IL6R: variants seen among roughly 807,000 people sequenced by gnomAD.
IL6R encodes the protein interleukin 6 receptor, also known as interleukin-6 receptor subunit alpha.
In IL6R, 38 loss-of-function variants were observed where a neutral mutation model predicts 48.3. The observed-to-expected ratio is 0.79, with a 90% CI of 0.61 to 1.03. The LOEUF (loss-of-function observed/expected upper bound fraction) is 1.03. IL6R is among the 50% of genes least tolerant of loss of function. The pLI, the probability that IL6R is intolerant of heterozygous loss-of-function variation, is 0.00. For synonymous variants in IL6R, 264 were observed against 256.2 expected, an observed-to-expected ratio of 1.03 and a Z score of -0.29; for missense variants, 534 against 618.3, an observed-to-expected ratio of 0.86 and a Z score of 1.45.
chr1:154,416,706 G>A (rs559985981), intron 1 of IL6R, among the ~76,000 whole-genome samples: 2 of 152,198 alleles, frequency 1.3e-5, no homozygotes, highest in South Asian at 2.1e-4. Context: ...GAGCGGAGGG[G>A]GTGGGGATGG....
At chr1:154,419,064 G>A (rs1364734904) in intron 1 of IL6R, among the ~76,000 whole-genome samples, 1 of 152,142 alleles carries the variant, frequency 6.6e-6, no homozygotes, top group Admixed American at 6.5e-5. Flanking sequence ...GGGCCAAGTA[G>A]AGAGAGGCTT....
chr1:154,437,534 C>A, intron 6 of IL6R: 1 of 433,842 alleles, frequency 2.3e-6, no homozygotes, highest in Admixed American at 2.6e-5. Flanking sequence ...CCGCCTCAGC[C>A]TCCTAAGTAG....
intron 6 of IL6R, among the ~76,000 whole-genome samples, chr1:154,444,208 C>CTTTT (rs562457712): frequency 2.2e-5 from 3 of 138,220 alleles, no homozygotes; most frequent in Non-Finnish European, 4.7e-5. Flanking sequence ...AAGTTGCTAG[C>CTTTT]TTTTTTTTTT....
chr1:154,454,455 C>T (rs1459494396), intron 8 of IL6R, 33 bp from the exon 9 acceptor site: 1 of 1,357,844 alleles, frequency 7.4e-7, no homozygotes, highest in Non-Finnish European at 1.0e-6. Flanking sequence ...TTCTCCTCTT[C>T]CTCCTCTATC....
intron 9 of IL6R, among the ~76,000 whole-genome samples, chr1:154,462,968 C>T (rs565564768): frequency 7.9e-5 from 12 of 152,162 alleles, no homozygotes; most frequent in South Asian, 4.1e-4. Context: ...CCACGACACC[C>T]GGCTAATTCT....
intron 6 of IL6R, among the ~76,000 whole-genome samples, chr1:154,441,608 T>C (rs1689940108): frequency 6.6e-6 from 1 of 151,802 alleles, no homozygotes; most frequent in Non-Finnish European, 1.5e-5. Flanking sequence ...TTCTGAAAAA[T>C]AAGGGGAAGG....
At chr1:154,427,808 G>T (rs1689062051) in intron 1 of IL6R, among the ~76,000 whole-genome samples, 1 of 152,152 alleles carries the variant, frequency 6.6e-6, no homozygotes, top group Non-Finnish European at 1.5e-5. Flanking sequence ...CACCTTGGAT[G>T]GGGTGAAAGG....
intron 8 of IL6R, among the ~76,000 whole-genome samples, chr1:154,452,296 C>A (rs1690626133): frequency 6.6e-6 from 1 of 152,186 alleles, no homozygotes; most frequent in South Asian, 2.1e-4. Flanking sequence ...GGAGTCCCAG[C>A]AAAGCCATGT....
intron 1 of IL6R, among the ~76,000 whole-genome samples, chr1:154,419,486 C>T (rs1168747174): frequency 1.3e-5 from 2 of 152,224 alleles, no homozygotes; most frequent in African/African-American, 2.4e-5. Context: ...TTATTGCTGA[C>T]AGGGGACCTT....
chr1:154,464,749 A>G (rs1309178506), intron 9 of IL6R, among the ~76,000 whole-genome samples: 3 of 152,052 alleles, frequency 2.0e-5, no homozygotes, highest in South Asian at 4.1e-4. Context: ...GCTCGAGCCC[A>G]GGAATTCAAG....
intron 8 of IL6R, among the ~76,000 whole-genome samples, chr1:154,450,558 A>G (rs1287801059): frequency 2.6e-5 from 4 of 152,262 alleles, no homozygotes; most frequent in Admixed American, 2.6e-4. Flanking sequence ...TTGGCCCACA[A>G]TACAAATGAA....
chr1:154,426,039 C>A (rs1241947027), intron 1 of IL6R, among the ~76,000 whole-genome samples: 1 of 151,512 alleles, frequency 6.6e-6, no homozygotes, highest in Non-Finnish European at 1.5e-5. Context: ...TGTGCCACTG[C>A]ACTCCAGCCT....
rs897668443 is a variant in IL6R, at chr1:154,465,535, A to G, written c.*155A>G. The G allele has an allele frequency of 1.3e-5, 10 of 775,196 alleles. No homozygotes were observed. The highest frequency in any genetic ancestry group is 1.9e-5 in the Non-Finnish European group (9 of 484,982). 48.0% of individuals were successfully genotyped at this position (775,196 alleles called of 1,614,324 possible). A position where few individuals can be genotyped will look rare whatever the true frequency, so the allele number is the denominator to read the frequency against. On this transcript the variant is annotated 3_prime_UTR_variant, in exon 10 of 10. Transcript: ENST00000368485. ...TTGCGGAAGGTTCTACGCCAGGGGA[A>G]AATCAGCCTGCTCCAGCTGTTCAGC...
Position 154,405,863 on chromosome 1 carries a change from C to A in IL6R, c.85+149C>A. The A allele has an allele frequency of 1.6e-6, 1 of 637,262 alleles. No individual in the cohort carries two copies. The highest frequency in any genetic ancestry group is 2.6e-6 in the Non-Finnish European group (1 of 387,586). The allele number at this position is 637,262 out of a possible 1,614,324, so 39.5% of individuals were successfully genotyped here. A position where few individuals can be genotyped will look rare whatever the true frequency, so the allele number is the denominator to read the frequency against. On this transcript the variant is annotated intron_variant, in intron 1 of 9. Transcript: ENST00000368485. This position sits in a 1 kb window ranked among gnomAD's most constrained non-coding sequence, Gnocchi z 5.2. Reference sequence around the variant, plus strand: ...GGCTGCCTTGAGGCCCCGCGGGTACCTAGCTGTGTGGTCGCGGGTAGTGGC... The same window carrying A: ...GGCTGCCTTGAGGCCCCGCGGGTACATAGCTGTGTGGTCGCGGGTAGTGGC...
At chr1:154,447,533 A>G in intron 6 of IL6R, among the ~76,000 whole-genome samples, 1 of 118,678 alleles carries the variant, frequency 8.4e-6, no homozygotes, top group Non-Finnish European at 1.8e-5. Context: ...ATATATATAC[A>G]CATACATATA....
intron 1 of IL6R, among the ~76,000 whole-genome samples, chr1:154,415,724 A>G (rs1221639575): frequency 6.6e-6 from 1 of 152,204 alleles, no homozygotes; most frequent in Non-Finnish European, 1.5e-5. Flanking sequence ...CACACCTGTA[A>G]TCCCAGCACT....
At chr1:154,417,160 C>CT (rs774771269) in intron 1 of IL6R, among the ~76,000 whole-genome samples, 14 of 152,300 alleles carry the variant, frequency 9.2e-5, no homozygotes, top group Non-Finnish European at 2.1e-4. Context: ...TTGTTATACT[C>CT]TGAGACTGTG....
intron 3 of IL6R, among the ~76,000 whole-genome samples, chr1:154,433,498 T>C (rs1689425700): frequency 6.6e-6 from 1 of 152,116 alleles, no homozygotes; most frequent in African/African-American, 2.4e-5. Context: ...TCTTTTTTGT[T>C]AGTGCCTTGA....
intron 6 of IL6R, among the ~76,000 whole-genome samples, chr1:154,438,224 T>C (rs987275987): frequency 6.6e-6 from 1 of 151,382 alleles, no homozygotes; most frequent in Admixed American, 6.6e-5. Context: ...TTTTTTTCCC[T>C]GATAAAACCA....
Sources: allele counts gnomAD v4.1 joint callset (sites outside exome capture counted in the v4.1 genomes callset), GRCh38; gene constraint gnomAD v4.1.1; non-coding constraint Gnocchi (gnomAD v3.1); transcripts MANE v1.5; gene names NCBI Gene and HGNC (gene_info 2026-07-23, HGNC 2026-07-21).